Variants in ZNF827 observed in about 807,000 individuals in gnomAD.
ZNF827 encodes the protein zinc finger protein 827.
Under a neutral mutation model 102.4 loss-of-function variants are expected in ZNF827, and 13 were observed. The observed-to-expected ratio is 0.13, with a 90% CI of 0.08 to 0.20. The LOEUF is 0.20. Ranked by LOEUF, ZNF827 falls within the 10% of genes least tolerant of loss-of-function variation. ZNF827 has a pLI of 1.00. For missense variants in ZNF827, 1,103 were observed against 1,344.4 expected, an observed-to-expected ratio of 0.82 and a Z score of 2.81; for synonymous variants, 523 against 536.2, an observed-to-expected ratio of 0.98 and a Z score of 0.34.
At chr4:145,791,441 C>T (rs1739683700) in intron 8 of ZNF827, among the ~76,000 whole-genome samples, 1 of 152,126 alleles carries the variant, frequency 6.6e-6, no homozygotes, top group South Asian at 2.1e-4. Flanking sequence ...ACATTTAGAC[C>T]ATACCACTTT....
At chr4:145,813,933 G>A (rs1041758118) in intron 8 of ZNF827, among the ~76,000 whole-genome samples, 1 of 152,188 alleles carries the variant, frequency 6.6e-6, no homozygotes, top group African/African-American at 2.4e-5. Context: ...GATGTAGAAG[G>A]ACATGGTAAC....
intron 7 of ZNF827, among the ~76,000 whole-genome samples, chr4:145,828,481 C>T (rs1579303855): frequency 6.6e-6 from 1 of 152,024 alleles, no homozygotes; most frequent in East Asian, 1.9e-4. Context: ...TCCCTTTGGC[C>T]CGGGTCAAAG....
chr4:145,883,639 C>T (rs1749865497), intron 4 of ZNF827, among the ~76,000 whole-genome samples: 1 of 152,236 alleles, frequency 6.6e-6, no homozygotes, highest in South Asian at 2.1e-4. Flanking sequence ...CAAACCTTCC[C>T]TGTTCTCGCT....
intron 4 of ZNF827, among the ~76,000 whole-genome samples, chr4:145,873,869 G>C (rs1338039619): frequency 6.6e-6 from 1 of 152,206 alleles, no homozygotes; most frequent in African/African-American, 2.4e-5. Context: ...TCACGACAGA[G>C]TAATTAAATA....
At chr4:145,825,610 A>T (rs957218843) in intron 7 of ZNF827, among the ~76,000 whole-genome samples, 59 of 152,302 alleles carry the variant, frequency 3.9e-4, no homozygotes, top group African/African-American at 1.2e-3. Context: ...AATAACCTTC[A>T]CCTAGCTTTC....
rs115468844 is a variant in ZNF827, at chr4:145,763,310, G to A, written c.3231-188C>T. On this transcript the variant is annotated intron_variant, in intron 13 of 14. Coordinates refer to ENST00000508784, the MANE Select transcript of ZNF827 (RefSeq NM_001306215.2). This position sits in a 1 kb window ranked among gnomAD's most constrained non-coding sequence, Gnocchi z 4.6. ...TCAGGCAAAGTGCTAAGGGTTTTCC[G>A]TGCTCCCGTTATTTTCTTAAAGACA... 1.9e-3 allele frequency among the ~76,000 whole-genome samples: 294 copies of A among 152,252 alleles called. No individual in the cohort carries two copies. Among genetic ancestry groups the A allele is most frequent in the African/African-American group, 6.7e-3 (278 of 41,528 alleles).
intron 2 of ZNF827, among the ~76,000 whole-genome samples, chr4:145,895,930 T>C (rs1464166014): frequency 1.3e-5 from 2 of 152,196 alleles, no homozygotes; most frequent in East Asian, 1.9e-4. Context: ...AACTGCCTAA[T>C]AAATAACTTT....
intron 9 of ZNF827, among the ~76,000 whole-genome samples, chr4:145,778,414 G>T (rs1264882167): frequency 6.6e-6 from 1 of 152,182 alleles, no homozygotes; most frequent in Non-Finnish European, 1.5e-5. Flanking sequence ...GATTATAGGC[G>T]TGAGCCATCG....
In ZNF827 at chr4:145,761,464, G is replaced by C. The variant is rs958451744; in HGVS notation, c.*152C>G. Reference sequence around the variant, plus strand: ...GTGGTTGCCCAGGCGGTGCTCCCGGGTGTGCGTCTCCAGCTCCAGCTGGTT... The same window carrying C: ...GTGGTTGCCCAGGCGGTGCTCCCGGCTGTGCGTCTCCAGCTCCAGCTGGTT... On this transcript the variant is annotated 3_prime_UTR_variant, in exon 15 of 15. Coordinates refer to ENST00000508784, the MANE Select transcript of ZNF827 (RefSeq NM_001306215.2). The surrounding 1 kb of genome is among the most constrained non-coding windows in gnomAD (Gnocchi z 6.8). 2 of 1,289,840 alleles carry C rather than the reference G, an allele frequency of 1.6e-6. No individual in the cohort carries two copies. The highest frequency in any genetic ancestry group is 2.3e-5 in the Admixed American group (1 of 43,570). 79.9% of individuals were successfully genotyped at this position (1,289,840 alleles called of 1,614,324 possible).
intron 4 of ZNF827, among the ~76,000 whole-genome samples, chr4:145,871,659 T>C (rs1002583734): frequency 4.6e-5 from 7 of 152,162 alleles, no homozygotes; most frequent in African/African-American, 7.2e-5. Flanking sequence ...GTCCATTCCA[T>C]CTTAACAGAC....
At chr4:145,798,966 T>G (rs181973417) in intron 8 of ZNF827, among the ~76,000 whole-genome samples, 1 of 152,340 alleles carries the variant, frequency 6.6e-6, no homozygotes, top group East Asian at 1.9e-4. Flanking sequence ...GAAAAACAGA[T>G]GAATGCAAGG....
chr4:145,901,563 A>C (rs1051765443), intron 2 of ZNF827, among the ~76,000 whole-genome samples: 16 of 152,252 alleles, frequency 1.1e-4, no homozygotes, highest in African/African-American at 3.9e-4. Context: ...TGTGTTGATT[A>C]TGTTTGATTG....
At chr4:145,823,773 G>A (rs895723131) in intron 7 of ZNF827, among the ~76,000 whole-genome samples, 1 of 152,166 alleles carries the variant, frequency 6.6e-6, no homozygotes, top group Non-Finnish European at 1.5e-5. Context: ...CATCATCTTT[G>A]AAACACTGTT....
intron 6 of ZNF827, among the ~76,000 whole-genome samples, chr4:145,848,659 C>T (rs1377918544): frequency 6.6e-6 from 1 of 152,168 alleles, no homozygotes; most frequent in African/African-American, 2.4e-5. Context: ...TTGCTAGGGA[C>T]AAATGCTATG....
At chr4:145,822,732 G>A (rs1181857265) in intron 8 of ZNF827, among the ~76,000 whole-genome samples, 1 of 152,172 alleles carries the variant, frequency 6.6e-6, no homozygotes, top group Non-Finnish European at 1.5e-5. Flanking sequence ...GCGGTTCTCA[G>A]ATGTTCTCAT....
Position 145,766,274 on chromosome 4 carries a change from A to G in ZNF827, c.2861-536T>C, listed in dbSNP as rs112221220. On this transcript the variant is annotated intron_variant, in intron 11 of 14. Coordinates refer to ENST00000508784, the MANE Select transcript of ZNF827 (RefSeq NM_001306215.2). Reference sequence around the variant, plus strand: ...AAGCCAGATACAAACAAGTCAGCAGACCATTAAAATCTAGTGTCAGAAGAC... The same window carrying G: ...AAGCCAGATACAAACAAGTCAGCAGGCCATTAAAATCTAGTGTCAGAAGAC... Among the ~76,000 whole-genome samples, 255 of 152,268 alleles carry G rather than the reference A, an allele frequency of 1.7e-3. 1 individual carries two copies. Among genetic ancestry groups the G allele is most frequent in the African/African-American group, 5.8e-3 (241 of 41,558 alleles).
chr4:145,936,901 A>C (rs953721673), intron 1 of ZNF827, among the ~76,000 whole-genome samples: 2 of 151,504 alleles, frequency 1.3e-5, no homozygotes, highest in African/African-American at 2.4e-5. Context: ...AACCGCCGGG[A>C]GAGGGGAGTA....
rs919639176 is a variant in ZNF827, at chr4:145,911,898, T to C, written c.44-8683A>G. On this transcript the variant is annotated intron_variant, in intron 1 of 14. Transcript: ENST00000508784. Reference sequence around the variant, plus strand: ...AATCATGAAAACACATCTGGAGCTATGATAGATGTTTTCATATTCATCAGC... The same window carrying C: ...AATCATGAAAACACATCTGGAGCTACGATAGATGTTTTCATATTCATCAGC... Among the ~76,000 whole-genome samples, 10 of 152,232 alleles carry C rather than the reference T, an allele frequency of 6.6e-5. 1 individual carries two copies. Among genetic ancestry groups the C allele is most frequent in the Non-Finnish European group, 1.3e-4 (9 of 68,036 alleles).
intron 9 of ZNF827, among the ~76,000 whole-genome samples, chr4:145,777,237 A>G (rs1291393608): frequency 6.6e-6 from 1 of 152,224 alleles, no homozygotes; most frequent in Non-Finnish European, 1.5e-5. Context: ...TCCTTTCTTT[A>G]GAAGTTTTGT....
Sources: allele counts gnomAD v4.1 joint callset (sites outside exome capture counted in the v4.1 genomes callset), GRCh38; gene constraint gnomAD v4.1.1; non-coding constraint Gnocchi (gnomAD v3.1); transcripts MANE v1.5; gene names NCBI Gene and HGNC (gene_info 2026-07-23, HGNC 2026-07-21).